Variants in CAMKK2 observed in about 807,000 individuals in gnomAD.
CAMKK2 encodes calcium/calmodulin dependent protein kinase kinase 2, also known as calcium/calmodulin-dependent protein kinase kinase 2.
In CAMKK2, 30 loss-of-function variants were observed where a neutral mutation model predicts 67.2. The ratio of observed to expected loss-of-function variants is 0.45; its 90% CI spans 0.33 to 0.61. CAMKK2 has a LOEUF of 0.61. Ranked by LOEUF, CAMKK2 falls within the 20% of genes least tolerant of loss-of-function variation. CAMKK2 has a pLI of 0.02. For synonymous variants in CAMKK2, 322 were observed against 326.2 expected, an observed-to-expected ratio of 0.99 and a Z score of 0.14; for missense variants, 643 against 802.0, an observed-to-expected ratio of 0.80 and a Z score of 2.39.
intron 15 of CAMKK2, among the ~76,000 whole-genome samples, chr12:121,244,894 GC>G (rs1326945796): frequency 1.3e-5 from 2 of 152,206 alleles, no homozygotes; most frequent in East Asian, 3.9e-4. Flanking sequence ...CTGACCAAGA[GC>G]CCCCCAGCTA....
At chr12:121,252,553 C>G in intron 11 of CAMKK2, 108 bp downstream of exon 11, 1 of 1,083,624 alleles carries the variant, frequency 9.2e-7, no homozygotes, top group Admixed American at 2.0e-5. Flanking sequence ...CCACCATGCC[C>G]AGCCTAAAAT....
rs1888121246 is a variant in CAMKK2 at position 121,240,433 on chromosome 12, T to G, written c.*266A>C. On this transcript the variant is annotated 3_prime_UTR_variant, in exon 17 of 17. Transcript: ENST00000404169. This position sits in a 1 kb window ranked among gnomAD's most constrained non-coding sequence, Gnocchi z 4.4. ...ATAAAAACGTTTTAAAAAGCAATTG[T>G]CCCAAAATGCACGTGGGTTTGGGTC... 1.3e-6 allele frequency: 2 copies of G among 1,519,570 alleles called. No individual in the cohort carries two copies. The highest frequency in any genetic ancestry group is 1.8e-6 in the Non-Finnish European group (2 of 1,142,310). The allele number at this position is 1,519,570 out of a possible 1,614,324, so 94.1% of individuals were successfully genotyped here.
intron 1 of CAMKK2, among the ~76,000 whole-genome samples, chr12:121,276,720 T>C (rs1475721501): frequency 6.6e-6 from 1 of 151,936 alleles, no homozygotes; most frequent in Non-Finnish European, 1.5e-5. Context: ...ACCCCGTCTC[T>C]ACTAAAAATA....
chr12:121,290,880 A>G (rs1326114582), intron 1 of CAMKK2, among the ~76,000 whole-genome samples: 3 of 152,092 alleles, frequency 2.0e-5, no homozygotes. Flanking sequence ...GTGCAGTCAC[A>G]CTGACCTCGG....
rs201145188 is a variant in CAMKK2 at position 121,248,739 on chromosome 12, A to G, written c.1324-5T>C. The G allele has an allele frequency of 6.2e-7, 1 of 1,613,864 alleles. No individual in the cohort carries two copies. Among genetic ancestry groups the G allele is most frequent in the Non-Finnish European group, 8.5e-7 (1 of 1,179,966 alleles). On this transcript the variant is annotated splice_region_variant and splice_polypyrimidine_tract_variant and intron_variant, in intron 13 of 16. Coordinates refer to ENST00000404169, the MANE Select transcript of CAMKK2 (RefSeq NM_001270485.2). Reference sequence around the variant, plus strand: ...CCTCGTGACCCAGGGGTGCAGCTTCAACGAACGACAGGAGGGGTGAGGGGC... The same window carrying G: ...CCTCGTGACCCAGGGGTGCAGCTTCGACGAACGACAGGAGGGGTGAGGGGC...
intron 1 of CAMKK2, among the ~76,000 whole-genome samples, chr12:121,292,536 C>T (rs1255704232): frequency 6.6e-6 from 1 of 152,214 alleles, no homozygotes; most frequent in Non-Finnish European, 1.5e-5. Flanking sequence ...AATGCAATTT[C>T]CTCAACTGTT....
At chr12:121,243,694 G>A (rs1479912083) in intron 16 of CAMKK2, 1 of 233,874 alleles carries the variant, frequency 4.3e-6, no homozygotes, top group Non-Finnish European at 7.9e-6. Flanking sequence ...AAGGAGTGTA[G>A]GGTGTCTTCT....
Position 121,237,784 on chromosome 12 carries a change from C to G in CAMKK2, c.*2915G>C, listed in dbSNP as rs200084800. The G allele has an allele frequency of 2.0e-5, 3 of 152,578 alleles. No individual in the cohort carries two copies. Among genetic ancestry groups the G allele is most frequent in the Non-Finnish European group, 4.4e-5 (3 of 68,036 alleles). 9.5% of individuals were successfully genotyped at this position (152,578 alleles called of 1,614,324 possible). A position where few individuals can be genotyped will look rare whatever the true frequency, so the allele number is the denominator to read the frequency against. On this transcript the variant is annotated 3_prime_UTR_variant, in exon 17 of 17. Transcript: ENST00000404169. This position sits in a 1 kb window ranked among gnomAD's most constrained non-coding sequence, Gnocchi z 4.5. Reference sequence around the variant, plus strand: ...GAAAGGCTTAGTTGTCTCTTAAGTTCATGTACTTTTTAGTGATAAATACAC... The same window carrying G: ...GAAAGGCTTAGTTGTCTCTTAAGTTGATGTACTTTTTAGTGATAAATACAC...
intron 1 of CAMKK2, among the ~76,000 whole-genome samples, chr12:121,286,715 G>T (rs1203077690): frequency 2.6e-5 from 4 of 151,870 alleles, no homozygotes. Flanking sequence ...GGCTAAATAG[G>T]TCCTGCTATT....
rs1218683648 is a variant in CAMKK2, at chr12:121,274,717, A to G, written c.-59-132T>C. On this transcript the variant is annotated intron_variant, in intron 1 of 16. Transcript: ENST00000404169. ...ACATCCTAAAAAAATCTTGCAAAAC[A>G]TGGTGTGATCTGATCTCTGAGTCTA... The G allele has an allele frequency of 8.5e-6, 5 of 586,386 alleles. No homozygotes were observed. The East Asian group carries it at 1.4e-4, about 16-fold the overall frequency. The allele number at this position is 586,386 out of a possible 1,614,324, so 36.3% of individuals were successfully genotyped here. A position where few individuals can be genotyped will look rare whatever the true frequency, so the allele number is the denominator to read the frequency against.
chr12:121,263,180 A>G (rs1412465469), intron 6 of CAMKK2, among the ~76,000 whole-genome samples: 1 of 152,204 alleles, frequency 6.6e-6, no homozygotes, highest in Non-Finnish European at 1.5e-5. Context: ...CCTGAGACCA[A>G]AAAGTATGAG....
At chr12:121,294,806 A>G (rs928248942) in intron 1 of CAMKK2, among the ~76,000 whole-genome samples, 6 of 152,246 alleles carry the variant, frequency 3.9e-5, no homozygotes, top group African/African-American at 1.4e-4. Context: ...GAGATAATGC[A>G]TGTAACACAT....
intron 1 of CAMKK2, among the ~76,000 whole-genome samples, chr12:121,275,247 G>C (rs1253738228): frequency 6.6e-6 from 1 of 152,108 alleles, no homozygotes; most frequent in Non-Finnish European, 1.5e-5. Flanking sequence ...ATTTTGGGAG[G>C]CCAAGGCAGG....
intron 2 of CAMKK2, among the ~76,000 whole-genome samples, chr12:121,273,269 G>T (rs1896115862): frequency 6.6e-6 from 1 of 152,036 alleles, no homozygotes; most frequent in African/African-American, 2.4e-5. Flanking sequence ...TTGGCATGGG[G>T]TGGTGGGGGA....
At chr12:121,289,621 G>A (rs1014983406) in intron 1 of CAMKK2, among the ~76,000 whole-genome samples, 9 of 152,184 alleles carry the variant, frequency 5.9e-5, no homozygotes, top group African/African-American at 1.4e-4. Flanking sequence ...AGTTGGGAGC[G>A]ATGGCTCATG....
upstream of CAMKK2, chr12:121,297,594 G>T (rs893154386): frequency 1.9e-6 from 1 of 516,410 alleles, no homozygotes; most frequent in African/African-American, 1.9e-5. Flanking sequence ...AGCACTGTGC[G>T]GGGAAGAGGA....
In CAMKK2 at chr12:121,274,589, C is replaced by T; in HGVS notation, c.-59-4G>A. 8.2e-7 allele frequency: 1 copy of T among 1,214,222 alleles called. No individual in the cohort carries two copies. Among genetic ancestry groups the T allele is most frequent in the Non-Finnish European group, 1.1e-6 (1 of 874,110 alleles). 75.2% of individuals were successfully genotyped at this position (1,214,222 alleles called of 1,614,324 possible). On this transcript the variant is annotated splice_polypyrimidine_tract_variant and splice_region_variant and intron_variant, in intron 1 of 16. Coordinates refer to ENST00000404169, the MANE Select transcript of CAMKK2 (RefSeq NM_001270485.2). ...TCCCATCCGGCAGCGGAGCCACCTG[C>T]AGAAAGAGAAAGGGTCAGCTGGCCC...
chr12:121,247,124 CCCGT>C (rs1418821818), intron 14 of CAMKK2, among the ~76,000 whole-genome samples: 1 of 151,006 alleles, frequency 6.6e-6, no homozygotes, highest in Non-Finnish European at 1.5e-5. Context: ...AGTGTGTTAG[CCCGT>C]CCGCCCTCTC....
At chr12:121,297,478 A>T (rs1238479042), upstream of CAMKK2, 1 of 411,644 alleles carries the variant, frequency 2.4e-6, no homozygotes, top group South Asian at 1.7e-5. Context: ...CCAGATGGCT[A>T]CTTAGATGCT....
Sources: allele counts gnomAD v4.1 joint callset (sites outside exome capture counted in the v4.1 genomes callset), GRCh38; gene constraint gnomAD v4.1.1; non-coding constraint Gnocchi (gnomAD v3.1); transcripts MANE v1.5; gene names NCBI Gene and HGNC (gene_info 2026-07-23, HGNC 2026-07-21).